The following CPVL variants were observed in gnomAD, a reference collection of about 807,000 sequenced individuals.
CPVL encodes the protein carboxypeptidase vitellogenic like.
In CPVL, 51 loss-of-function variants were observed where a neutral mutation model predicts 63.7. The ratio of observed to expected loss-of-function variants is 0.80; its 90% confidence interval spans 0.64 to 1.01. CPVL has a LOEUF of 1.01. CPVL is among the 50% of genes least tolerant of loss of function. CPVL has a pLI of 0.00. For synonymous variants in CPVL, 195 were observed against 206.0 expected (o/e 0.95, Z 0.46); for missense variants, 530 against 573.1 (o/e 0.92, Z 0.77).
At chr7:29,016,170 G>A (rs1197792798) in intron 12 of CPVL, among the ~76,000 whole-genome samples, 1 of 152,048 alleles carries the variant, frequency 6.6e-6, no homozygotes, top group Non-Finnish European at 1.5e-5. Flanking sequence ...GGCCAATATG[G>A]TGAAACCCTG....
At chr7:29,078,510 C>T (rs1637470) in intron 7 of CPVL, among the ~76,000 whole-genome samples, 2 of 152,220 alleles carry the variant, frequency 1.3e-5, no homozygotes, top group African/African-American at 2.4e-5. Context: ...TCTGAACACA[C>T]TGGGCCGCAG....
chr7:29,184,151 TGATAGATAGATAGATAGATA>T (rs56102038), intron 4 of CPVL, among the ~76,000 whole-genome samples: 18 of 143,386 alleles, frequency 1.3e-4, no homozygotes, highest in Non-Finnish European at 1.1e-4. Context: ...TACAGATAGA[TGATAGATAGATAGATAGATA>T]GATAGATAGA....
intron 11 of CPVL, among the ~76,000 whole-genome samples, chr7:29,030,963 T>C (rs991160073): frequency 1.3e-5 from 2 of 152,222 alleles, no homozygotes; most frequent in African/African-American, 2.4e-5. Context: ...GTAATCTGCA[T>C]AAAGGCCTCT....
intron 1 of CPVL, chr7:29,126,432 C>T (rs1047379862): frequency 3.3e-5 from 5 of 152,150 alleles, no homozygotes; most frequent in Non-Finnish European, 5.9e-5. Context: ...CAATTCCAAT[C>T]GACCTGACCA....
chr7:29,162,733 A>T (rs77111451), intron 5 of CPVL, among the ~76,000 whole-genome samples: 2,430 of 152,194 alleles, frequency 0.016, 34 homozygotes, highest in Non-Finnish European at 0.024. Context: ...ACATTGTATG[A>T]TCTCATTTAC....
At chr7:29,140,305 C>T (rs1351190443) in intron 1 of CPVL, among the ~76,000 whole-genome samples, 1 of 152,126 alleles carries the variant, frequency 6.6e-6, no homozygotes, top group Non-Finnish European at 1.5e-5. Context: ...AGGCTTCTAC[C>T]CACACTCTTC....
Position 29,009,017 on chromosome 7 carries a change from AG to A in CPVL, c.1321-13136del, listed in dbSNP as rs528555503. ...GCAGAGTTGAATTGAAAAGGTGCTA[AG>A]GGAATAACTTTCTGATTTTTTTTTT... On this transcript the variant is annotated intron_variant, in intron 12 of 12. Coordinates refer to ENST00000265394, the MANE Select transcript of CPVL (RefSeq NM_031311.5). The A allele has an allele frequency of 2.7e-3, 416 of 152,056 alleles. 1 individual carries two copies. Among genetic ancestry groups the A allele is most frequent in the African/African-American group, 9.5e-3 (396 of 41,482 alleles). The allele number at this position is 152,056 out of a possible 1,614,324, so 9.4% of individuals were successfully genotyped here. A position where few individuals can be genotyped will look rare whatever the true frequency, so the allele number is the denominator to read the frequency against.
intron 7 of CPVL, among the ~76,000 whole-genome samples, chr7:29,072,674 G>A (rs572051048): frequency 6.5e-4 from 99 of 152,256 alleles, no homozygotes; most frequent in Non-Finnish European, 1.3e-3. Flanking sequence ...CATGTAATAA[G>A]TGAACATTCT....
chr7:29,068,963 G>A (rs1029592073), intron 9 of CPVL, among the ~76,000 whole-genome samples: 1 of 151,050 alleles, frequency 6.6e-6, no homozygotes, highest in African/African-American at 2.4e-5. Flanking sequence ...GATTACAGGC[G>A]TGAGCCACTG....
chr7:29,167,032 G>T (rs1796011478), intron 5 of CPVL, among the ~76,000 whole-genome samples: 1 of 151,836 alleles, frequency 6.6e-6, no homozygotes, highest in Non-Finnish European at 1.5e-5. Flanking sequence ...ACAAGTTAAA[G>T]AATAATAACA....
chr7:29,170,291 C>G (rs1796429045), intron 5 of CPVL, among the ~76,000 whole-genome samples: 1 of 152,140 alleles, frequency 6.6e-6, no homozygotes, highest in Admixed American at 6.5e-5. Context: ...ATCTTAATTA[C>G]TAGAGCAACT....
At chr7:29,126,869 C>G (rs1301985189) in intron 1 of CPVL, 1 of 152,174 alleles carries the variant, frequency 6.6e-6, no homozygotes. Context: ...CAGAGTCTCA[C>G]TATGTTGACA....
intron 12 of CPVL, chr7:29,011,444 A>G (rs144476887): frequency 9.2e-5 from 14 of 152,300 alleles, no homozygotes; most frequent in African/African-American, 3.4e-4. Context: ...GTGTGGTATC[A>G]TGTGCCTATG....
At chr7:29,116,649 C>G (rs865929621) in intron 2 of CPVL, among the ~76,000 whole-genome samples, 2 of 152,186 alleles carry the variant, frequency 1.3e-5, no homozygotes, top group African/African-American at 2.4e-5. Flanking sequence ...CCAGTGTGGA[C>G]AGACATTATC....
At chr7:29,172,701 T>C (rs1584545794) in intron 5 of CPVL, among the ~76,000 whole-genome samples, 1 of 152,314 alleles carries the variant, frequency 6.6e-6, no homozygotes, top group Non-Finnish European at 1.5e-5. Flanking sequence ...CATACAGTCA[T>C]CTGACCAACG....
intron 10 of CPVL, among the ~76,000 whole-genome samples, chr7:29,064,690 G>C (rs968931980): frequency 1.3e-5 from 2 of 152,068 alleles, no homozygotes; most frequent in Non-Finnish European, 2.9e-5. Flanking sequence ...GTGTTCTGCT[G>C]TTTATTAAAA....
chr7:28,999,729 G>T (rs1224437037), intron 12 of CPVL, among the ~76,000 whole-genome samples: 1 of 152,190 alleles, frequency 6.6e-6, no homozygotes, highest in Non-Finnish European at 1.5e-5. Flanking sequence ...ATTGTAAATT[G>T]TGTCATTAAT....
At chr7:29,188,009 C>T (rs1244766859) in intron 1 of CPVL, among the ~76,000 whole-genome samples, 1 of 151,972 alleles carries the variant, frequency 6.6e-6, no homozygotes, top group East Asian at 1.9e-4. Flanking sequence ...TCTTCAAAGC[C>T]CAGGCCTGGC....
At chr7:29,069,214 C>A (rs926744223) in intron 9 of CPVL, among the ~76,000 whole-genome samples, 3 of 151,084 alleles carry the variant, frequency 2.0e-5, no homozygotes, top group African/African-American at 7.3e-5. Context: ...CCGAGGCGGG[C>A]GGATCACTTG....
Sources: gnomAD v4.1 joint callset for allele counts (sites outside exome capture counted in the v4.1 genomes callset) on GRCh38, gnomAD v4.1.1 for gene constraint, MANE v1.5 for transcripts, NCBI Gene and HGNC (gene_info 2026-07-23, HGNC 2026-07-21) for gene names.